Variants in FAM193A observed in about 807,000 individuals in gnomAD.
FAM193A encodes protein FAM193A.
FAM193A carries 22 observed loss-of-function variants against 126.5 expected under a neutral mutation model. The ratio of observed to expected loss-of-function variants is 0.17; its 90% CI spans 0.12 to 0.25. FAM193A has a LOEUF of 0.25. Ranked by LOEUF, FAM193A falls within the 10% of genes least tolerant of loss-of-function variation. The pLI, the probability that FAM193A is intolerant of heterozygous loss-of-function variation, is 1.00. For synonymous variants in FAM193A, 761 were observed against 646.8 expected, an observed-to-expected ratio of 1.18 and a Z score of -2.68; for missense variants, 1,675 against 1,672.8, an observed-to-expected ratio of 1.00 and a Z score of -0.02.
intron 5 of FAM193A, 71 bp downstream of exon 5, chr4:2,631,240 C>A (rs1443219261): frequency 6.9e-7 from 1 of 1,453,310 alleles, no homozygotes; most frequent in African/African-American, 1.4e-5. Flanking sequence ...GAGGAAGCTT[C>A]TCACGCATGT....
At chr4:2,644,584 CT>C (rs1744945734) in intron 6 of FAM193A, among the ~76,000 whole-genome samples, 2 of 152,162 alleles carry the variant, frequency 1.3e-5, no homozygotes, top group Non-Finnish European at 2.9e-5. Flanking sequence ...TTGAAGTAGC[CT>C]CAATCCATGT....
intron 20 of FAM193A, among the ~76,000 whole-genome samples, chr4:2,724,572 A>C (rs1172265308): frequency 1.3e-5 from 2 of 152,214 alleles, no homozygotes; most frequent in Non-Finnish European, 2.9e-5. Context: ...GAAATAAGCC[A>C]GGCACAGCGT....
chr4:2,536,164 A>AGGCGGGCGG (rs1173510676), upstream of FAM193A, among the ~76,000 whole-genome samples: 4 of 150,692 alleles, frequency 2.7e-5, no homozygotes, highest in South Asian at 2.1e-4. Flanking sequence ...GGCGCGGGCG[A>AGGCGGGCGG]GGCGGGCGGG....
chr4:2,606,643 C>T (rs955698015), intron 2 of FAM193A, among the ~76,000 whole-genome samples: 2 of 152,138 alleles, frequency 1.3e-5, no homozygotes, highest in Non-Finnish European at 2.9e-5. Flanking sequence ...CTTGCCCATG[C>T]GTGGCTTGTA....
intron 1 of FAM193A, among the ~76,000 whole-genome samples, chr4:2,568,585 A>T (rs564136390): frequency 6.6e-6 from 1 of 152,290 alleles, no homozygotes; most frequent in South Asian, 2.1e-4. Context: ...GTGAATTTAG[A>T]CAGAGGCCAG....
chr4:2,617,124 T>C (rs1209644165), intron 2 of FAM193A, among the ~76,000 whole-genome samples: 1 of 118,570 alleles, frequency 8.4e-6, no homozygotes, highest in East Asian at 2.5e-4. Flanking sequence ...GCTGAGATCG[T>C]GCCACTGCAC....
chr4:2,673,955 A>G (rs181351897), intron 13 of FAM193A, among the ~76,000 whole-genome samples: 1 of 152,336 alleles, frequency 6.6e-6, no homozygotes, highest in East Asian at 1.9e-4. Context: ...TTTGTATCTA[A>G]TATCTGTTCT....
intron 12 of FAM193A, among the ~76,000 whole-genome samples, chr4:2,669,848 G>A (rs1713590675): frequency 6.6e-6 from 1 of 152,174 alleles, no homozygotes; most frequent in South Asian, 2.1e-4. Flanking sequence ...TTTTAGTAGG[G>A]TCTGGGGTCA....
chr4:2,573,886 A>G (rs1739433524), intron 1 of FAM193A, among the ~76,000 whole-genome samples: 1 of 152,104 alleles, frequency 6.6e-6, no homozygotes, highest in Non-Finnish European at 1.5e-5. Context: ...CTGGGGGAAG[A>G]AGTTTCTAGT....
At chr4:2,681,276 A>G (rs1356562289) in intron 13 of FAM193A, among the ~76,000 whole-genome samples, 2 of 151,404 alleles carry the variant, frequency 1.3e-5, no homozygotes, top group Admixed American at 6.6e-5. Context: ...TTCTCTTTTC[A>G]AAGAACTATA....
intron 7 of FAM193A, chr4:2,655,085 AT>A (rs779709575): frequency 1.4e-6 from 1 of 701,072 alleles, no homozygotes; most frequent in South Asian, 1.5e-5. Context: ...GAATAAGAGC[AT>A]TGATACTGGC....
In FAM193A at chr4:2,563,525, C is replaced by CAA. The variant is rs149318728; in HGVS notation, c.255+26363_255+26364dup. Among the ~76,000 whole-genome samples, 927 of 143,830 alleles carry CAA rather than the reference C, an allele frequency of 6.4e-3. 9 individuals carry two copies. The highest frequency in any genetic ancestry group is 0.021 in the African/African-American group (790 of 38,340). The allele number at this position is 143,830 out of a possible 152,430, so 94.4% of individuals were successfully genotyped here. A position where few individuals can be genotyped will look rare whatever the true frequency, so the allele number is the denominator to read the frequency against. Reference sequence around the variant, plus strand: ...TTCAAGACCAATCTGGTCATCTCTACAAAAAAAAACAAAAAAAAAAACCTC... The same window carrying CAA: ...TTCAAGACCAATCTGGTCATCTCTACAAAAAAAAAAACAAAAAAAAAAACCTC... On this transcript the variant is annotated intron_variant, in intron 1 of 20. Transcript: ENST00000637812.
At chr4:2,692,500 C>T (rs1347603481) in intron 15 of FAM193A, among the ~76,000 whole-genome samples, 2 of 152,218 alleles carry the variant, frequency 1.3e-5, no homozygotes, top group African/African-American at 4.8e-5. Context: ...AGGAACCTAG[C>T]AGACAGTGCC....
chr4:2,674,403 A>G (rs1398091127), intron 13 of FAM193A, among the ~76,000 whole-genome samples: 1 of 152,228 alleles, frequency 6.6e-6, no homozygotes, highest in Admixed American at 6.5e-5. Context: ...CTATATCAGA[A>G]TTGCACAAAT....
chr4:2,537,195 T>A (rs1291162627), intron 1 of FAM193A, 25 bp downstream of exon 1: 2 of 196,524 alleles, frequency 1.0e-5, no homozygotes, highest in Non-Finnish European at 2.1e-5. Flanking sequence ...CGGGCAGGGG[T>A]CGATGGCGGT....
intron 1 of FAM193A, among the ~76,000 whole-genome samples, chr4:2,595,017 AG>A (rs1381843654): frequency 6.6e-6 from 1 of 150,562 alleles, no homozygotes; most frequent in African/African-American, 2.4e-5. Flanking sequence ...TAATAGAAAC[AG>A]GGTTTCACCA....
intron 2 of FAM193A, among the ~76,000 whole-genome samples, chr4:2,601,227 CTTTTTTTT>C (rs1201989388): frequency 9.0e-6 from 1 of 110,668 alleles, no homozygotes; most frequent in African/African-American, 3.4e-5. Flanking sequence ...TCTTCTTCTT[CTTTTTTTT>C]TTTTTTTTTT....
At chr4:2,614,785 T>G (rs1231019837) in intron 2 of FAM193A, among the ~76,000 whole-genome samples, 2 of 152,262 alleles carry the variant, frequency 1.3e-5, no homozygotes, top group East Asian at 3.8e-4. Flanking sequence ...TCAATTCATT[T>G]GATGGAGGTT....
intron 20 of FAM193A, among the ~76,000 whole-genome samples, chr4:2,729,008 G>A (rs1450408129): frequency 1.3e-5 from 2 of 150,270 alleles, no homozygotes; most frequent in Non-Finnish European, 2.9e-5. Flanking sequence ...AGCTAGTCAG[G>A]TGTGAGCAGG....
Sources: allele counts gnomAD v4.1 joint callset (sites outside exome capture counted in the v4.1 genomes callset), GRCh38; gene constraint gnomAD v4.1.1; transcripts MANE v1.5; gene names NCBI Gene and HGNC (gene_info 2026-07-23, HGNC 2026-07-21).